TP53BP1: variants seen among roughly 807,000 people sequenced by gnomAD.
TP53BP1 encodes the protein tumor protein p53 binding protein 1.
Under a neutral mutation model 200.8 loss-of-function variants are expected in TP53BP1, and 61 were observed. The observed-to-expected ratio is 0.30, with a 90% CI of 0.25 to 0.38. The LOEUF is 0.38. Ranked by LOEUF, TP53BP1 falls within the 10% of genes least tolerant of loss-of-function variation. TP53BP1 has a pLI of 1.00. For synonymous variants in TP53BP1, 822 were observed against 844.3 expected, an observed-to-expected ratio of 0.97 and a Z score of 0.46; for missense variants, 2,144 against 2,371.9, an observed-to-expected ratio of 0.90 and a Z score of 2.00.
At chr15:43,444,337 G>A (rs1030816342) in intron 14 of TP53BP1, among the ~76,000 whole-genome samples, 2 of 152,136 alleles carry the variant, frequency 1.3e-5, no homozygotes, top group African/African-American at 4.8e-5. Flanking sequence ...GTACTTCTGG[G>A]TTTAAGCACA....
chr15:43,502,522 T>C (rs2079214626), intron 1 of TP53BP1, among the ~76,000 whole-genome samples: 1 of 151,966 alleles, frequency 6.6e-6, no homozygotes, highest in South Asian at 2.1e-4. Flanking sequence ...TAGCGCGATC[T>C]TGGCTCACTG....
rs1270498941 is a variant in TP53BP1, at chr15:43,446,286, A to G, written c.3040+101T>C. On this transcript the variant is annotated intron_variant, in intron 14 of 27. Coordinates refer to ENST00000382044, the MANE Select transcript of TP53BP1 (RefSeq NM_001141980.3). ...TATGAGTGTAAGACTTTACAAATAC[A>G]TTTATAAATATAGAAGTATCAATTA... The G allele has an allele frequency of 5.4e-6, 5 of 923,780 alleles. No individual in the cohort carries two copies. The Admixed American group carries it at 1.3e-4, about 24-fold the overall frequency. 57.2% of individuals were successfully genotyped at this position (923,780 alleles called of 1,614,324 possible). A position where few individuals can be genotyped will look rare whatever the true frequency, so the allele number is the denominator to read the frequency against.
chr15:43,415,792 T>G lies in TP53BP1; in HGVS notation c.4891A>C (p.Lys1631Gln). 1.2e-6 allele frequency: 2 copies of G among 1,614,012 alleles called. No individual in the cohort carries two copies. The highest frequency in any genetic ancestry group is 1.7e-6 in the Non-Finnish European group (2 of 1,179,936). ...DISLDNLVEG[K>Q]RKRRSNVSSP... ...CTGACGTTACTGCGCCGTTTCCGCT[T>G]CCCTTCCACCAAATTGTCTATGGCA... The change falls in exon 23 of 28, where the codon AAG (lysine) becomes CAG (glutamine). Residue 1631 changes from lysine (K) to glutamine (Q), a missense_variant. Lys to Gln is a moderately conservative substitution (Grantham distance 53). Coordinates refer to ENST00000382044, the MANE Select transcript of TP53BP1 (RefSeq NM_001141980.3).
At position 43,422,045 on chromosome 15, in the gene TP53BP1, G is replaced by T; in HGVS notation, c.3910C>A (p.Leu1304Met). Reference sequence around the variant, plus strand: ...GAGGAGAAGGAGCTGATATCCCCCAGGTCACCTGAGGAGCCCCCAGTCTGT... The same window carrying T: ...GAGGAGAAGGAGCTGATATCCCCCATGTCACCTGAGGAGCCCCCAGTCTGT... Reference protein sequence around the residue: ...PSQTGGSSGDLGDISSFSSKA... With the variant: ...PSQTGGSSGDMGDISSFSSKA... The change falls in exon 19 of 28, where the codon CTG (leucine) becomes ATG (methionine). Residue 1304 changes from leucine (L) to methionine (M), a missense_variant. Physicochemically the swap from Leu to Met is conservative, Grantham distance 15. Around this residue, in one of 4 missense-constraint regions of TP53BP1, gnomAD observed 1,700 missense variants for 1,710.3 expected, o/e 0.99. Transcript: ENST00000382044. 1 of 1,614,162 alleles carries T rather than the reference G, an allele frequency of 6.2e-7. No homozygotes were observed. Among genetic ancestry groups the T allele is most frequent in the Non-Finnish European group, 8.5e-7 (1 of 1,180,032 alleles).
chr15:43,467,068 T>TC, intron 11 of TP53BP1, among the ~76,000 whole-genome samples: 1 of 152,028 alleles, frequency 6.6e-6, no homozygotes, highest in Non-Finnish European at 1.5e-5. Flanking sequence ...TTCTTTTTTT[T>TC]TTTTGAGACA....
At chr15:43,438,254 A>G in intron 16 of TP53BP1, 70 bp downstream of exon 16, 3 of 1,362,894 alleles carry the variant, frequency 2.2e-6, no homozygotes, top group Non-Finnish European at 2.1e-6. Flanking sequence ...CACAGTACAT[A>G]TTAGGATTTG....
chr15:43,476,221 C>T (rs2078879273), intron 8 of TP53BP1, among the ~76,000 whole-genome samples: 1 of 152,146 alleles, frequency 6.6e-6, no homozygotes, highest in East Asian at 1.9e-4. Flanking sequence ...GCTGAGATTG[C>T]ACCACTGCAC....
rs1426575758 is a variant in TP53BP1 at position 43,407,362 on chromosome 15, AACCAGTAAG to A, written c.*12_*20del. The A allele has an allele frequency of 6.2e-7, 1 of 1,610,986 alleles. No individual in the cohort carries two copies. The highest frequency in any genetic ancestry group is 8.5e-7 in the Non-Finnish European group (1 of 1,177,506). ...CAATCTCCACGATAGCAGGGAATAA[AACCAGTAAG>A]ACCAAGTATCTTTAGTGAGAAACAT... On this transcript the variant is annotated 3_prime_UTR_variant, in exon 28 of 28. Coordinates refer to ENST00000382044, the MANE Select transcript of TP53BP1 (RefSeq NM_001141980.3).
At chr15:43,428,374 A>G (rs1181405515) in intron 17 of TP53BP1, among the ~76,000 whole-genome samples, 1 of 152,218 alleles carries the variant, frequency 6.6e-6, no homozygotes, top group Non-Finnish European at 1.5e-5. Context: ...TTATATGAGC[A>G]TGACCTAATA....
intron 16 of TP53BP1, among the ~76,000 whole-genome samples, chr15:43,432,910 T>G (rs1158546247): frequency 6.6e-6 from 1 of 152,060 alleles, no homozygotes; most frequent in Admixed American, 6.6e-5. Context: ...AATTCCACCA[T>G]GATGATAAAA....
intron 11 of TP53BP1, among the ~76,000 whole-genome samples, chr15:43,468,260 G>A (rs2046636960): frequency 6.6e-6 from 1 of 152,042 alleles, no homozygotes; most frequent in Non-Finnish European, 1.5e-5. Flanking sequence ...AAAAGCTAAA[G>A]AAGGCCAGGT....
chr15:43,442,834 T>TC (rs1199052344), intron 14 of TP53BP1, among the ~76,000 whole-genome samples: 1 of 139,088 alleles, frequency 7.2e-6, no homozygotes, highest in East Asian at 2.0e-4. Flanking sequence ...TTTTTTTTTT[T>TC]TTTTTTTTGG....
chr15:43,462,711 T>C (rs2140067898), intron 11 of TP53BP1, among the ~76,000 whole-genome samples: 1 of 152,294 alleles, frequency 6.6e-6, no homozygotes, highest in South Asian at 2.1e-4. Flanking sequence ...CGTAAAGCTA[T>C]AAATACCTTT....
At position 43,403,928 on chromosome 15, in the gene TP53BP1, C is replaced by T. The variant is rs978480095; in HGVS notation, c.*3455G>A. ...TACACACACGTACAGAGATAAGATA[C>T]AAAGATAAAAATGTTGGTATCAGTT... On this transcript the variant is annotated 3_prime_UTR_variant, in exon 28 of 28. Coordinates refer to ENST00000382044, the MANE Select transcript of TP53BP1 (RefSeq NM_001141980.3). The T allele has an allele frequency of 3.0e-5, 20 of 672,752 alleles. No individual in the cohort carries two copies. The highest frequency in any genetic ancestry group is 5.2e-5 in the Non-Finnish European group (20 of 386,470). The allele number at this position is 672,752 out of a possible 1,614,324, so 41.7% of individuals were successfully genotyped here.
At chr15:43,446,118 T>C (rs543941043) in intron 14 of TP53BP1, among the ~76,000 whole-genome samples, 1 of 152,282 alleles carries the variant, frequency 6.6e-6, no homozygotes, top group East Asian at 1.9e-4. Context: ...TCCTAAAGTT[T>C]TCTACCCTAT....
At chr15:43,504,456 G>A (rs1259921743) in intron 1 of TP53BP1, among the ~76,000 whole-genome samples, 1 of 152,208 alleles carries the variant, frequency 6.6e-6, no homozygotes, top group African/African-American at 2.4e-5. Flanking sequence ...GAAGCACAGA[G>A]AAGATAAGCA....
At chr15:43,466,017 C>A (rs2046571238) in intron 11 of TP53BP1, among the ~76,000 whole-genome samples, 1 of 152,140 alleles carries the variant, frequency 6.6e-6, no homozygotes, top group African/African-American at 2.4e-5. Context: ...CCTTCAAAAT[C>A]TTTAAAGGAA....
intron 18 of TP53BP1, among the ~76,000 whole-genome samples, chr15:43,425,641 T>C (rs1595538110): frequency 6.6e-6 from 1 of 151,596 alleles, no homozygotes; most frequent in East Asian, 1.9e-4. Context: ...ATAAAAAATA[T>C]ATTTTAAGAA....
chr15:43,508,275 G>A (rs1400970718), intron 1 of TP53BP1, among the ~76,000 whole-genome samples: 2 of 152,124 alleles, frequency 1.3e-5, no homozygotes, highest in African/African-American at 4.8e-5. Flanking sequence ...CAGAAGAATC[G>A]CTTGAACCCG....
Sources: allele counts gnomAD v4.1 joint callset (sites outside exome capture counted in the v4.1 genomes callset), GRCh38; gene constraint gnomAD v4.1.1; regional missense constraint gnomAD v4.1.1; transcripts MANE v1.5; gene names NCBI Gene and HGNC (gene_info 2026-07-23, HGNC 2026-07-21).